The following CCDC112 variants were observed in gnomAD, a reference collection of about 807,000 sequenced individuals.
The protein encoded by CCDC112 is coiled-coil domain containing 112.
CCDC112 carries 40 observed loss-of-function variants against 66.3 expected under a neutral mutation model. That is an observed-to-expected ratio of 0.60 (90% CI 0.47 to 0.79). The LOEUF (loss-of-function observed/expected upper bound fraction) is 0.79. Ranked by LOEUF, CCDC112 falls within the 30% of genes least tolerant of loss-of-function variation. The pLI, the probability that CCDC112 is intolerant of heterozygous loss-of-function variation, is 0.00. For synonymous variants in CCDC112, 214 were observed against 197.2 expected, an observed-to-expected ratio of 1.09 and a Z score of -0.71; for missense variants, 659 against 603.8, an observed-to-expected ratio of 1.09 and a Z score of -0.96.
intron 3 of CCDC112, among the ~76,000 whole-genome samples, chr5:115,277,781 C>T (rs1283202067): frequency 6.6e-6 from 1 of 152,084 alleles, no homozygotes; most frequent in African/African-American, 2.4e-5. Context: ...AATAATCTTA[C>T]TTTAATATTT....
intron 1 of CCDC112, among the ~76,000 whole-genome samples, chr5:115,294,970 G>A (rs1159619627): frequency 6.6e-6 from 1 of 152,080 alleles, no homozygotes; most frequent in Non-Finnish European, 1.5e-5. Flanking sequence ...CTACTAAAGT[G>A]GTAAGACAGT....
chr5:115,288,905 T>C (rs1749800482), intron 1 of CCDC112: 4 of 448,080 alleles, frequency 8.9e-6, no homozygotes, highest in Admixed American at 7.2e-5. Flanking sequence ...ATTTACAAGA[T>C]AGTTGATAAA....
intron 9 of CCDC112, among the ~76,000 whole-genome samples, chr5:115,268,553 AAG>A (rs1290124981): frequency 6.6e-6 from 1 of 151,492 alleles, no homozygotes; most frequent in Non-Finnish European, 1.5e-5. Context: ...TTACAGGCGT[AAG>A]CCACTGCACC....
chr5:115,269,380 C>T (rs1261194723), intron 8 of CCDC112, among the ~76,000 whole-genome samples: 3 of 152,120 alleles, frequency 2.0e-5, no homozygotes, highest in Non-Finnish European at 2.9e-5. Context: ...GCTCTGAGTA[C>T]TGCAAGAGAG....
At chr5:115,269,373 CT>C (rs1306653802) in intron 8 of CCDC112, among the ~76,000 whole-genome samples, 1 of 152,076 alleles carries the variant, frequency 6.6e-6, no homozygotes, top group African/African-American at 2.4e-5. Context: ...ATCTTTAGCT[CT>C]GAGTACTGCA....
At chr5:115,288,828 TA>T (rs1030252955) in intron 1 of CCDC112, among the ~76,000 whole-genome samples, 1 of 152,134 alleles carries the variant, frequency 6.6e-6, no homozygotes, top group Admixed American at 6.5e-5. Context: ...CATTTACACT[TA>T]AAAAATAGGA....
At chr5:115,268,123 A>G (rs985414582) in intron 9 of CCDC112, among the ~76,000 whole-genome samples, 1 of 152,178 alleles carries the variant, frequency 6.6e-6, no homozygotes, top group African/African-American at 2.4e-5. Context: ...AGACAAACCA[A>G]TCAGTTAATC....
At chr5:115,277,901 C>A (rs1749277319) in intron 3 of CCDC112, among the ~76,000 whole-genome samples, 1 of 152,044 alleles carries the variant, frequency 6.6e-6, no homozygotes, top group Non-Finnish European at 1.5e-5. Context: ...GTTTTTGCAA[C>A]TTTTCCACAA....
At chr5:115,285,953 G>C (rs190698522) in intron 1 of CCDC112, among the ~76,000 whole-genome samples, 16 of 152,188 alleles carry the variant, frequency 1.1e-4, no homozygotes. Context: ...GGGTTGTGGG[G>C]GATGAGGGGA....
intron 1 of CCDC112, among the ~76,000 whole-genome samples, chr5:115,294,526 G>A (rs1221807273): frequency 6.6e-6 from 1 of 152,160 alleles, no homozygotes; most frequent in East Asian, 1.9e-4. Context: ...AGAACTGTGA[G>A]AAAATAAACT....
At chr5:115,274,629 C>T (rs1206135154) in intron 6 of CCDC112, among the ~76,000 whole-genome samples, 3 of 152,180 alleles carry the variant, frequency 2.0e-5, no homozygotes, top group Non-Finnish European at 4.4e-5. Flanking sequence ...ATACGGAGGA[C>T]TGGACCCATA....
intron 5 of CCDC112, 78 bp from the exon 6 acceptor site, chr5:115,275,684 T>C: frequency 9.9e-7 from 1 of 1,010,688 alleles, no homozygotes; most frequent in Non-Finnish European, 1.4e-6. Flanking sequence ...TTAAGATACC[T>C]GACTCTTTAT....
In CCDC112 at chr5:115,275,945, T is replaced by G. The variant is rs755058930; in HGVS notation, c.527+49A>C. On this transcript the variant is annotated intron_variant, in intron 5 of 9. Transcript: ENST00000379611. ...ACAAAAATGTACTGGGGCCAGTTAT[T>G]AAAAAATAAAGGTCAATAATTTTAT... 2.9e-5 allele frequency: 37 copies of G among 1,278,666 alleles called. No individual in the cohort carries two copies. The East Asian group carries it at 8.8e-4, about 30-fold the overall frequency. The allele number at this position is 1,278,666 out of a possible 1,614,324, so 79.2% of individuals were successfully genotyped here.
At chr5:115,277,112 A>T in intron 3 of CCDC112, 58 bp from the exon 4 acceptor site, 1 of 993,414 alleles carries the variant, frequency 1.0e-6, no homozygotes, top group Non-Finnish European at 1.6e-6. Context: ...GTTACAATTC[A>T]GGAATCTACA....
At chr5:115,294,686 G>A (rs979770941) in intron 1 of CCDC112, among the ~76,000 whole-genome samples, 1 of 152,184 alleles carries the variant, frequency 6.6e-6, no homozygotes, top group African/African-American at 2.4e-5. Context: ...TGGTTTCAGT[G>A]TTAAAGTCAG....
intron 1 of CCDC112, among the ~76,000 whole-genome samples, chr5:115,286,779 G>C (rs372950263): frequency 1.5e-4 from 23 of 152,074 alleles, no homozygotes; most frequent in African/African-American, 4.6e-4. Context: ...GCCAGGCATG[G>C]TGGTGTGAGG....
At position 115,283,447 on chromosome 5, in the gene CCDC112, A is replaced by G. The variant is rs368347668; in HGVS notation, c.239+1340T>C. 2.0e-5 allele frequency among the ~76,000 whole-genome samples: 3 copies of G among 152,140 alleles called. No individual in the cohort carries two copies. In the South Asian group the frequency reaches 6.2e-4, roughly 31 times the overall value. Reference sequence around the variant, plus strand: ...GAAAATCTCAGCTCACTTTTCTAAGAAAGTTGATCTTAAATATTCTCAACC... The same window carrying G: ...GAAAATCTCAGCTCACTTTTCTAAGGAAGTTGATCTTAAATATTCTCAACC... On this transcript the variant is annotated intron_variant, in intron 2 of 9. Coordinates refer to ENST00000379611, the MANE Select transcript of CCDC112 (RefSeq NM_001040440.3).
chr5:115,267,680 T>A lies in CCDC112; in HGVS notation c.*196A>T, dbSNP rs111372762. 4 of 587,460 alleles carry A rather than the reference T, an allele frequency of 6.8e-6. No homozygotes were observed. The highest frequency in any genetic ancestry group is 3.8e-5 in the African/African-American group (2 of 52,660). 36.4% of individuals were successfully genotyped at this position (587,460 alleles called of 1,614,324 possible). A position where few individuals can be genotyped will look rare whatever the true frequency, so the allele number is the denominator to read the frequency against. Reference sequence around the variant, plus strand: ...TACATCAATAATAGGCCAACACATATATTAAATACCTTCTTGGTAGAAGCA... The same window carrying A: ...TACATCAATAATAGGCCAACACATAAATTAAATACCTTCTTGGTAGAAGCA... On this transcript the variant is annotated 3_prime_UTR_variant, in exon 10 of 10. Coordinates refer to ENST00000379611, the MANE Select transcript of CCDC112 (RefSeq NM_001040440.3).
chr5:115,284,771 A>C lies in CCDC112; in HGVS notation c.239+16T>G. 1 of 1,574,898 alleles carries C rather than the reference A, an allele frequency of 6.3e-7. No individual in the cohort carries two copies. Among genetic ancestry groups the C allele is most frequent in the Non-Finnish European group, 8.7e-7 (1 of 1,146,424 alleles). ...TGGCTAGTAATGTTATTTGAAGATT[A>C]TATTCTTATACTTACTGATTTTTAA... On this transcript the variant is annotated intron_variant, in intron 2 of 9. Coordinates refer to ENST00000379611, the MANE Select transcript of CCDC112 (RefSeq NM_001040440.3).
Sources: allele counts gnomAD v4.1 joint callset (sites outside exome capture counted in the v4.1 genomes callset), GRCh38; gene constraint gnomAD v4.1.1; transcripts MANE v1.5; gene names NCBI Gene and HGNC (gene_info 2026-07-23, HGNC 2026-07-21).